LRRC8C: variants seen among roughly 807,000 people sequenced by gnomAD.
The protein encoded by LRRC8C is leucine rich repeat containing 8 VRAC subunit C.
In LRRC8C, 20 loss-of-function variants were observed where a neutral mutation model predicts 55.3. The ratio of observed to expected loss-of-function variants is 0.36; its 90% CI spans 0.25 to 0.53. LRRC8C has a LOEUF of 0.53. Ranked by LOEUF, LRRC8C falls within the 20% of genes least tolerant of loss-of-function variation. The pLI is 0.92. For missense variants in LRRC8C, 659 were observed against 951.4 expected (o/e 0.69, Z 4.04); for synonymous variants, 376 against 360.7 (o/e 1.04, Z -0.48).
intron 1 of LRRC8C, among the ~76,000 whole-genome samples, chr1:89,659,088 T>G (rs1570702138): frequency 6.9e-6 from 1 of 144,746 alleles, no homozygotes; most frequent in South Asian, 2.3e-4. Context: ...TGTGTGTGTG[T>G]GTGTGTGTGT....
rs1658894469 is a variant in LRRC8C, at chr1:89,718,792, T to A, written c.*3810T>A. 1 of 152,240 alleles carries A rather than the reference T, an allele frequency of 6.6e-6. No individual in the cohort carries two copies. The highest frequency in any genetic ancestry group is 2.4e-5 in the African/African-American group (1 of 41,476). 9.4% of individuals were successfully genotyped at this position (152,240 alleles called of 1,614,324 possible). A position where few individuals can be genotyped will look rare whatever the true frequency, so the allele number is the denominator to read the frequency against. On this transcript the variant is annotated 3_prime_UTR_variant, in exon 3 of 3. Transcript: ENST00000370454. The stretch of plus-strand genomic sequence containing the variant: ...TGTGATTCAAACAGTCAAATTTTAT[T>A]AAGCTCTTAGTAACTCAGGATAGCA...
At position 89,717,692 on chromosome 1, in the gene LRRC8C, T is replaced by C. The variant is rs1259767828; in HGVS notation, c.*2710T>C. The C allele has an allele frequency of 6.6e-6, 1 of 152,212 alleles. No homozygotes were observed. Among genetic ancestry groups the C allele is most frequent in the Non-Finnish European group, 1.5e-5 (1 of 68,032 alleles). 9.4% of individuals were successfully genotyped at this position (152,212 alleles called of 1,614,324 possible). A position where few individuals can be genotyped will look rare whatever the true frequency, so the allele number is the denominator to read the frequency against. ...TTAAGTAAAAAAAACATTTAATTAC[T>C]AGTTAGCCCTTAACTGGGAAACTCA... On this transcript the variant is annotated 3_prime_UTR_variant, in exon 3 of 3. Coordinates refer to ENST00000370454, the MANE Select transcript of LRRC8C (RefSeq NM_032270.5).
intron 2 of LRRC8C, chr1:89,708,657 T>C (rs1014246298): frequency 1.3e-5 from 2 of 151,588 alleles, no homozygotes; most frequent in Non-Finnish European, 1.5e-5. Context: ...TCTTTGAAAA[T>C]ACTGATCCTT....
the LRRC8C span, among the ~76,000 whole-genome samples, chr1:89,622,335 A>ATTTTT: frequency 0.014 from 1,993 of 145,464 alleles, 47 homozygotes; most frequent in African/African-American, 0.044. Context: ...TACATGTAAA[A>ATTTTT]TTTTTTTTTT....
intron 2 of LRRC8C, among the ~76,000 whole-genome samples, chr1:89,710,210 G>A (rs185112374): frequency 5.7e-4 from 87 of 152,244 alleles, no homozygotes; most frequent in African/African-American, 1.8e-3. Flanking sequence ...ATGAGATCAT[G>A]AACAGGAAAG....
intron 1 of LRRC8C, among the ~76,000 whole-genome samples, chr1:89,640,501 A>G (rs1270960830): frequency 6.6e-6 from 1 of 152,224 alleles, no homozygotes; most frequent in Admixed American, 6.5e-5. Context: ...TATAAATGTA[A>G]CTTCTGGGAA....
At position 89,716,558 on chromosome 1, in the gene LRRC8C, A is replaced by C. The variant is rs752708245; in HGVS notation, c.*1576A>C. 3.9e-5 allele frequency: 6 copies of C among 152,230 alleles called. No homozygotes were observed. The highest frequency in any genetic ancestry group is 8.8e-5 in the Non-Finnish European group (6 of 68,030). The allele number at this position is 152,230 out of a possible 1,614,324, so 9.4% of individuals were successfully genotyped here. ...CAACATAGCATGGGCTCTTGGGCAA[A>C]ATATTTCACTGACTATTAAGCATGT... On this transcript the variant is annotated 3_prime_UTR_variant, in exon 3 of 3. Coordinates refer to ENST00000370454, the MANE Select transcript of LRRC8C (RefSeq NM_032270.5).
At chr1:89,699,942 GTTAA>G (rs1296695336) in intron 2 of LRRC8C, among the ~76,000 whole-genome samples, 1 of 152,156 alleles carries the variant, frequency 6.6e-6, no homozygotes, top group African/African-American at 2.4e-5. Context: ...CATTTTCAGA[GTTAA>G]TTCTATCACT....
chr1:89,654,369 A>G (rs115396452), intron 1 of LRRC8C, among the ~76,000 whole-genome samples: 2,595 of 152,304 alleles, frequency 0.017, 93 homozygotes, highest in African/African-American at 0.059. Context: ...ACCACTACCC[A>G]GTATAGCCAT....
intron 1 of LRRC8C, among the ~76,000 whole-genome samples, chr1:89,659,871 T>C (rs1274016217): frequency 6.6e-6 from 1 of 152,168 alleles, no homozygotes; most frequent in African/African-American, 2.4e-5. Context: ...ATGAGCAACC[T>C]GGTCTCTGCC....
intron 1 of LRRC8C, among the ~76,000 whole-genome samples, chr1:89,665,863 A>C (rs1657245208): frequency 6.6e-6 from 1 of 152,176 alleles, no homozygotes; most frequent in Admixed American, 6.5e-5. Flanking sequence ...TAAGTACCCT[A>C]TACAGGTGTA....
At chr1:89,628,156 GGTTT>G (rs1257537053), upstream of LRRC8C, among the ~76,000 whole-genome samples, 1 of 152,078 alleles carries the variant, frequency 6.6e-6, no homozygotes, top group African/African-American at 2.4e-5. Context: ...AAATAAATAA[GGTTT>G]GTTTTAGAAG....
At chr1:89,695,589 AGTC>A (rs949711843) in intron 2 of LRRC8C, among the ~76,000 whole-genome samples, 1 of 152,210 alleles carries the variant, frequency 6.6e-6, no homozygotes, top group Non-Finnish European at 1.5e-5. Flanking sequence ...ATCAGTTAGT[AGTC>A]ACTTAATTTT....
At chr1:89,698,975 G>GA (rs964027916) in intron 2 of LRRC8C, among the ~76,000 whole-genome samples, 7 of 147,632 alleles carry the variant, frequency 4.7e-5, no homozygotes, top group African/African-American at 1.2e-4. Flanking sequence ...CCCGAAGGTG[G>GA]AAAAAAAAAG....
chr1:89,714,612 TATGCAACAAG>T lies in LRRC8C; in HGVS notation c.2045_2054del (p.Cys682SerfsTer50). 2.5e-6 allele frequency: 4 copies of T among 1,614,148 alleles called. No homozygotes were observed. Among genetic ancestry groups the T allele is most frequent in the Non-Finnish European group, 3.4e-6 (4 of 1,180,010 alleles). ...GAGGTGCTGCCTTCCCACCTCTTCCTATGCAACAAGATCCGATACTTGGACTTATCGTACA... is the reference window on the plus strand; with the variant it reads ...GAGGTGCTGCCTTCCCACCTCTTCCTATCCGATACTTGGACTTATCGTACA... On this transcript the variant is annotated frameshift_variant, in exon 3 of 3. Coordinates refer to ENST00000370454, the MANE Select transcript of LRRC8C (RefSeq NM_032270.5). LOFTEE classifies it high-confidence loss of function. This position sits in a 1 kb window ranked among gnomAD's most constrained non-coding sequence, Gnocchi z 4.6.
intron 2 of LRRC8C, among the ~76,000 whole-genome samples, chr1:89,705,030 C>T (rs1370248251): frequency 6.6e-6 from 1 of 151,670 alleles, no homozygotes; most frequent in African/African-American, 2.4e-5. Flanking sequence ...ACCCAAATGT[C>T]CAACAATGAT....
intron 1 of LRRC8C, 88 bp from the exon 2 acceptor site, chr1:89,686,382 C>A: frequency 7.3e-7 from 1 of 1,365,536 alleles, no homozygotes. Context: ...CAGACCTCTG[C>A]TGTGAGGAGT....
chr1:89,650,696 T>G (rs889493037), intron 1 of LRRC8C, among the ~76,000 whole-genome samples: 3 of 152,246 alleles, frequency 2.0e-5, no homozygotes, highest in Non-Finnish European at 4.4e-5. Context: ...TAGTAAACTT[T>G]AAGCCATAGA....
At chr1:89,618,753 C>G in the LRRC8C span, among the ~76,000 whole-genome samples, 2 of 152,196 alleles carry the variant, frequency 1.3e-5, no homozygotes. Flanking sequence ...AAAGTACTTT[C>G]TAAAGATAGC....
Sources: allele counts gnomAD v4.1 joint callset (sites outside exome capture counted in the v4.1 genomes callset), GRCh38; gene constraint gnomAD v4.1.1; non-coding constraint Gnocchi (gnomAD v3.1); transcripts MANE v1.5; gene names NCBI Gene and HGNC (gene_info 2026-07-23, HGNC 2026-07-21).